Variants in CNBD1 observed in about 807,000 individuals in gnomAD.
The protein encoded by CNBD1 is cyclic nucleotide binding domain containing 1.
In CNBD1, 71 loss-of-function variants were observed where a neutral mutation model predicts 54.4. The observed-to-expected ratio is 1.30, with a 90% CI of 1.08 to 1.59. The LOEUF (loss-of-function observed/expected upper bound fraction) is 1.59. Ranked by LOEUF, CNBD1 falls within the 40% of genes most tolerant of loss-of-function variation. The probability of loss-of-function intolerance (pLI) is 0.00; values close to 1 mark genes in which losing one functional copy is unlikely to be tolerated. For missense variants in CNBD1, 659 were observed against 518.0 expected (o/e 1.27, Z -2.64); for synonymous variants, 182 against 170.7 (o/e 1.07, Z -0.51).
At chr8:86,910,522 C>A (rs1003406379) in intron 3 of CNBD1, among the ~76,000 whole-genome samples, 2 of 152,130 alleles carry the variant, frequency 1.3e-5, no homozygotes, top group Non-Finnish European at 1.5e-5. Flanking sequence ...AAGAAGATAG[C>A]CACTGTAAAC....
chr8:87,032,408 G>A (rs976063946), intron 4 of CNBD1, among the ~76,000 whole-genome samples: 1 of 152,056 alleles, frequency 6.6e-6, no homozygotes, highest in African/African-American at 2.4e-5. Context: ...ACTAAAGTAA[G>A]CTAGAGAAAA....
chr8:87,176,659 T>A (rs1813205062), intron 4 of CNBD1, among the ~76,000 whole-genome samples: 1 of 151,174 alleles, frequency 6.6e-6, no homozygotes, highest in Admixed American at 6.6e-5. Flanking sequence ...TAAATTTTTT[T>A]TTTTTTTTTT....
At chr8:87,424,898 T>C (rs1029392986) in intron 2 of CNBD1, among the ~76,000 whole-genome samples, 3 of 152,176 alleles carry the variant, frequency 2.0e-5, no homozygotes, top group Non-Finnish European at 2.9e-5. Context: ...TTCTCCTGGA[T>C]AATATCCTGC....
chr8:87,089,823 A>G (rs991386550), intron 4 of CNBD1, among the ~76,000 whole-genome samples: 1 of 152,058 alleles, frequency 6.6e-6, no homozygotes, highest in Admixed American at 6.6e-5. Context: ...TTGAAATGCT[A>G]CTTGTTCATA....
chr8:86,885,554 T>C (rs1257358302), intron 1 of CNBD1, among the ~76,000 whole-genome samples: 2 of 152,232 alleles, frequency 1.3e-5, no homozygotes, highest in African/African-American at 4.8e-5. Flanking sequence ...TGAACCTCTT[T>C]AAACTTTATC....
rs140190770 is a variant in CNBD1 at position 87,346,102 on chromosome 8, C to T, written c.1043-5583C>T. ...TGTTGCCCAGGCTGGAATGCAATGG[C>T]GAGATCTTGGCTTACCACAGCCTCT... is the stretch of plus-strand genomic sequence containing the variant. On this transcript the variant is annotated intron_variant, in intron 8 of 10. Coordinates refer to ENST00000518476, the MANE Select transcript of CNBD1 (RefSeq NM_173538.3). Among the ~76,000 whole-genome samples the T allele has an allele frequency of 2.9e-3, 443 of 151,868 alleles. 4 individuals carry two copies. The highest frequency in any genetic ancestry group is 9.3e-3 in the African/African-American group (386 of 41,384).
intron 4 of CNBD1, among the ~76,000 whole-genome samples, chr8:87,037,967 C>A (rs1440801360): frequency 2.0e-5 from 3 of 152,168 alleles, no homozygotes; most frequent in Non-Finnish European, 4.4e-5. Flanking sequence ...TATAAACTTT[C>A]AGTCTCCCAT....
chr8:87,237,718 G>T (rs1807611173), intron 6 of CNBD1, among the ~76,000 whole-genome samples: 1 of 152,094 alleles, frequency 6.6e-6, no homozygotes, highest in South Asian at 2.1e-4. Flanking sequence ...TCAATTTAGG[G>T]TGATCAAGAT....
At chr8:87,418,975 C>T (rs1336344986) in intron 2 of CNBD1, among the ~76,000 whole-genome samples, 1 of 151,840 alleles carries the variant, frequency 6.6e-6, no homozygotes, top group Admixed American at 6.6e-5. Flanking sequence ...GAATTGAAAA[C>T]ATATGTCTGC....
downstream of CNBD1, among the ~76,000 whole-genome samples, chr8:87,383,948 A>G (rs1401181836): frequency 6.6e-6 from 1 of 152,108 alleles, no homozygotes; most frequent in Non-Finnish European, 1.5e-5. Context: ...GATCATGGCT[A>G]TCTAAATTTT....
chr8:87,346,313 A>T (rs907468771), intron 8 of CNBD1, among the ~76,000 whole-genome samples: 1 of 152,170 alleles, frequency 6.6e-6, no homozygotes, highest in Non-Finnish European at 1.5e-5. Context: ...AAGTGCTGGT[A>T]TCACAGGTGT....
intron 4 of CNBD1, among the ~76,000 whole-genome samples, chr8:87,045,921 G>A (rs1810177981): frequency 6.6e-6 from 1 of 151,196 alleles, no homozygotes; most frequent in South Asian, 2.1e-4. Flanking sequence ...CACGCCTGTA[G>A]TCCCAGCTAT....
chr8:87,143,572 A>G (rs1251689602), intron 4 of CNBD1, among the ~76,000 whole-genome samples: 1 of 152,200 alleles, frequency 6.6e-6, no homozygotes, highest in Non-Finnish European at 1.5e-5. Context: ...TATTACAATA[A>G]CTTCACAAGG....
At chr8:86,867,659 GAATT>G (rs751082055) in intron 1 of CNBD1, among the ~76,000 whole-genome samples, 10 of 152,206 alleles carry the variant, frequency 6.6e-5, no homozygotes, top group Admixed American at 1.3e-4. Flanking sequence ...GTGGAAATAA[GAATT>G]AAGTGCAATT....
intron 10 of CNBD1, among the ~76,000 whole-genome samples, chr8:87,365,424 A>G (rs1810623959): frequency 6.6e-6 from 1 of 152,050 alleles, no homozygotes. Flanking sequence ...TAGTTAGACC[A>G]TTTTAACTTG....
intron 8 of CNBD1, among the ~76,000 whole-genome samples, chr8:87,296,178 C>T (rs183673103): frequency 3.4e-4 from 51 of 152,168 alleles, no homozygotes; most frequent in Admixed American, 2.0e-3. Flanking sequence ...AGAAGCAATT[C>T]GTATTGGATG....
chr8:87,067,804 C>A (rs1264970786), intron 4 of CNBD1, among the ~76,000 whole-genome samples: 10 of 151,772 alleles, frequency 6.6e-5, no homozygotes, highest in Admixed American at 6.6e-4. Context: ...CGTATTATTT[C>A]TCTGTGTATT....
At chr8:87,380,162 A>G (rs931567559) in intron 10 of CNBD1, among the ~76,000 whole-genome samples, 3 of 151,976 alleles carry the variant, frequency 2.0e-5, no homozygotes, top group African/African-American at 7.2e-5. Context: ...GATTAATATA[A>G]TTTAATAATT....
chr8:87,098,159 C>A (rs1483294613), intron 4 of CNBD1, among the ~76,000 whole-genome samples: 5 of 152,122 alleles, frequency 3.3e-5, no homozygotes, highest in Non-Finnish European at 5.9e-5. Context: ...GCATATGATG[C>A]TGGAAAGACT....
Sources: allele counts gnomAD v4.1 joint callset (sites outside exome capture counted in the v4.1 genomes callset), GRCh38; gene constraint gnomAD v4.1.1; transcripts MANE v1.5; gene names NCBI Gene and HGNC (gene_info 2026-07-23, HGNC 2026-07-21).